The following SLC12A7 variants were observed in gnomAD, a reference collection of about 807,000 sequenced individuals.
SLC12A7 encodes the protein solute carrier family 12 member 7.
SLC12A7 carries 100 observed loss-of-function variants against 120.6 expected under a neutral mutation model. The ratio of observed to expected loss-of-function variants is 0.83; its 90% CI spans 0.71 to 0.98. The LOEUF (loss-of-function observed/expected upper bound fraction) is 0.98, where lower values mean the gene tolerates loss of function less well. Among genes scored for constraint, SLC12A7 ranks in the 50% least tolerant of loss-of-function variants. The pLI, the probability that SLC12A7 is intolerant of heterozygous loss-of-function variation, is 0.00. For missense variants in SLC12A7, 1,373 were observed against 1,548.1 expected (o/e 0.89, Z 1.90); for synonymous variants, 760 against 678.0 (o/e 1.12, Z -1.88).
At chr5:1,098,217 C>A (rs1369021754) in intron 1 of SLC12A7, among the ~76,000 whole-genome samples, 7 of 108,786 alleles carry the variant, frequency 6.4e-5, no homozygotes, top group Admixed American at 2.0e-4. Flanking sequence ...GCACACCCAG[C>A]CCCCCTCTAA....
intron 1 of SLC12A7, among the ~76,000 whole-genome samples, chr5:1,111,659 G>A (rs1011589685): frequency 1.3e-5 from 2 of 152,144 alleles, no homozygotes; most frequent in Admixed American, 6.5e-5. Context: ...TGACCGTACC[G>A]GGAGCCCTGG....
chr5:1,152,759 A>G, the SLC12A7 span, among the ~76,000 whole-genome samples: 15 of 152,168 alleles, frequency 9.9e-5, no homozygotes, highest in South Asian at 2.1e-4. Flanking sequence ...GTCGGTGTGG[A>G]TTCCTGCATT....
At chr5:1,120,244 A>G in the SLC12A7 span, among the ~76,000 whole-genome samples, 2 of 152,236 alleles carry the variant, frequency 1.3e-5, no homozygotes, top group South Asian at 4.1e-4. Context: ...TTCTCAGAAG[A>G]CGCTCTCAAG....
chr5:1,077,340 C>T (rs1335418494), intron 12 of SLC12A7, among the ~76,000 whole-genome samples: 1 of 152,232 alleles, frequency 6.6e-6, no homozygotes, highest in East Asian at 1.9e-4. Context: ...CCCACAGCTG[C>T]CCCTGGGCCC....
chr5:1,095,830 A>G (rs1451906790), intron 1 of SLC12A7, among the ~76,000 whole-genome samples: 1 of 152,236 alleles, frequency 6.6e-6, no homozygotes, highest in African/African-American at 2.4e-5. Context: ...GGCGGGCAGC[A>G]CGTGCTCCCA....
the SLC12A7 span, among the ~76,000 whole-genome samples, chr5:1,150,905 G>GT: frequency 6.6e-6 from 1 of 152,282 alleles, no homozygotes; most frequent in East Asian, 1.9e-4. Context: ...AAGCAGCCTG[G>GT]TGGTCTGATT....
chr5:1,142,298 C>T, the SLC12A7 span, among the ~76,000 whole-genome samples: 1 of 131,412 alleles, frequency 7.6e-6, no homozygotes, highest in African/African-American at 2.9e-5. Context: ...CCCCTCCCCC[C>T]TCGCCCCTCC....
intron 21 of SLC12A7, among the ~76,000 whole-genome samples, chr5:1,059,571 G>A (rs1735972887): frequency 2.0e-5 from 3 of 152,238 alleles, no homozygotes; most frequent in Admixed American, 1.3e-4. Flanking sequence ...CCCCCGTGCT[G>A]TCCTCCAGTG....
chr5:1,097,259 C>T (rs926628745), intron 1 of SLC12A7, among the ~76,000 whole-genome samples: 4 of 152,162 alleles, frequency 2.6e-5, no homozygotes, highest in African/African-American at 7.2e-5. Flanking sequence ...CAAGCACATT[C>T]GCTCAAACCA....
At chr5:1,145,049 A>T in the SLC12A7 span, among the ~76,000 whole-genome samples, 8 of 152,360 alleles carry the variant, frequency 5.3e-5, no homozygotes, top group African/African-American at 1.9e-4. This position sits in a 1 kb window ranked among gnomAD's most constrained non-coding sequence, Gnocchi z 4.4. Context: ...TGCTGTCGGC[A>T]CGGCCAGGCC....
chr5:1,090,405 G>A (rs1039297484), intron 3 of SLC12A7, among the ~76,000 whole-genome samples: 4 of 152,200 alleles, frequency 2.6e-5, no homozygotes, highest in Admixed American at 1.3e-4. Context: ...ACAGGGGAGC[G>A]ACTTGCTTCT....
chr5:1,111,886 G>T lies in SLC12A7; in HGVS notation c.106C>A (p.Pro36Thr). 1.6e-6 allele frequency: 2 copies of T among 1,229,618 alleles called. No homozygotes were observed. The highest frequency in any genetic ancestry group is 6.9e-5 in the South Asian group (2 of 28,854). 76.2% of individuals were successfully genotyped at this position (1,229,618 alleles called of 1,614,324 possible). A position where few individuals can be genotyped will look rare whatever the true frequency, so the allele number is the denominator to read the frequency against. Residue 36 changes from proline (P) to threonine (T), a missense_variant, in exon 1 of 24, where the codon CCC (proline) becomes ACC (threonine). Coordinates refer to ENST00000264930, the MANE Select transcript of SLC12A7 (RefSeq NM_006598.3). ...EAPGTPEGPE[P>T]ERPSPGDGNP... ...CGCTCACCCGGGCTGGGGCGCTCGG[G>T]CTCGGGGCCCTCGGGGGTGCCCGGA...
intron 1 of SLC12A7, among the ~76,000 whole-genome samples, chr5:1,108,973 C>G (rs960241997): frequency 6.6e-6 from 1 of 152,222 alleles, no homozygotes; most frequent in Non-Finnish European, 1.5e-5. Context: ...AAACGGAACC[C>G]AAAGAGGGAA....
At chr5:1,060,580 G>T in intron 20 of SLC12A7, 129 bp from the exon 21 acceptor site, 1 of 666,926 alleles carries the variant, frequency 1.5e-6, no homozygotes, top group Non-Finnish European at 2.6e-6. Flanking sequence ...GGGCCCCACA[G>T]GCCCCCTCTG....
At chr5:1,093,248 C>T (rs1008708140) in intron 3 of SLC12A7, among the ~76,000 whole-genome samples, 1 of 152,190 alleles carries the variant, frequency 6.6e-6, no homozygotes, top group Admixed American at 6.5e-5. Flanking sequence ...TGGGGCCGCT[C>T]CCGCAGAACG....
chr5:1,075,300 C>A, intron 15 of SLC12A7, 71 bp downstream of exon 15: 2 of 1,561,668 alleles, frequency 1.3e-6, no homozygotes. Flanking sequence ...CAGGGAGCTG[C>A]CCCAGGCATA....
In SLC12A7 at chr5:1,064,088, G is replaced by C; in HGVS notation, c.2602C>G (p.His868Asp). The change falls in exon 19 of 24, where the codon CAC becomes GAC. Residue 868 changes from histidine to aspartate, a missense_variant. Physicochemically the swap from His to Asp is moderately conservative, Grantham distance 81 (BLOSUM62 -1). Coordinates refer to ENST00000264930, the MANE Select transcript of SLC12A7 (RefSeq NM_006598.3). ...LMLLPFLLRQ[H>D]KVWRKCRMRI... ...GTCCCCGTCGCACGCCCCACCTTGT[G>C]CTGGCGCAGCAGGAAGGGCAGCAGC... 1 of 1,606,558 alleles carries C rather than the reference G, an allele frequency of 6.2e-7. No homozygotes were observed. Among genetic ancestry groups the C allele is most frequent in the Non-Finnish European group, 8.5e-7 (1 of 1,175,898 alleles).
Position 1,085,240 on chromosome 5 carries a change from C to T in SLC12A7, c.909G>A (p.Pro303=), listed in dbSNP as rs144700376. 3.8e-5 allele frequency: 61 copies of T among 1,612,370 alleles called. No homozygotes were observed. The African/African-American group carries it at 4.7e-4, about 12-fold the overall frequency. Residue 303 remains proline (P), a synonymous_variant, in exon 7 of 24, where the codon CCG becomes CCA. Transcript: ENST00000264930. ...AGVIKSAFDP[P]DIPVCLLGNR... ...GAGGCCCCGAGACTCACGGGATGTC[C>T]GGGGGGTCGAAGGCAGACTTGATGA...
chr5:1,087,157 T>G, intron 5 of SLC12A7, 124 bp from the exon 6 acceptor site: 1 of 1,276,316 alleles, frequency 7.8e-7, no homozygotes, highest in Non-Finnish European at 1.1e-6. Flanking sequence ...GTGTAGACCC[T>G]CGTCCACCCG....
Sources: gnomAD v4.1 joint callset for allele counts (sites outside exome capture counted in the v4.1 genomes callset) on GRCh38, gnomAD v4.1.1 for gene constraint, Gnocchi (gnomAD v3.1) non-coding constraint, MANE v1.5 for transcripts, NCBI Gene and HGNC (gene_info 2026-07-23, HGNC 2026-07-21) for gene names.